Variants in ATP7A observed in about 807,000 individuals in gnomAD.
ATP7A encodes ATPase copper transporting alpha.
ATP7A carries 7 observed loss-of-function variants against 83.5 expected under a neutral mutation model. The ratio of observed to expected loss-of-function variants is 0.08; its 90% CI spans 0.05 to 0.16. ATP7A has a LOEUF of 0.16. Among genes scored for constraint, ATP7A ranks in the 10% least tolerant of loss-of-function variants. ATP7A has a pLI of 1.00. For synonymous variants in ATP7A, 354 were observed against 395.2 expected (o/e 0.90, Z 1.24); for missense variants, 940 against 1,120.8 (o/e 0.84, Z 2.30).
At chrX:77,911,988 C>A (rs1477459399) in intron 1 of ATP7A, among the ~76,000 whole-genome samples, 1 of 112,014 alleles carries the variant, frequency 8.9e-6, no homozygotes, top group African/African-American at 3.2e-5. Context: ...CAATTGAGTC[C>A]GAATTGAGTC....
chrX:77,984,420 C>T (rs1342847780), intron 2 of ATP7A, among the ~76,000 whole-genome samples: 3 of 110,125 alleles, frequency 2.7e-5, no homozygotes, highest in Non-Finnish European at 5.7e-5. Context: ...CTCCACCTCC[C>T]GAGGTTCTTC....
rs1425538643 is a variant in ATP7A at position 77,928,299 on chromosome X, A to G, written c.-22+17464A>G. Among the ~76,000 whole-genome samples, 7 of 111,702 alleles carry G rather than the reference A, an allele frequency of 6.3e-5. No individual in the cohort carries two copies. In the Admixed American group the frequency reaches 6.7e-4, roughly 11 times the overall value. On this transcript the variant is annotated intron_variant, in intron 1 of 22. Coordinates refer to ENST00000341514, the MANE Select transcript of ATP7A (RefSeq NM_000052.7). Reference sequence around the variant, plus strand: ...TTCGTTAACTCAAAACTATTTTGATATTAATGATTTTGAAAAAAAAGACTT... The same window carrying G: ...TTCGTTAACTCAAAACTATTTTGATGTTAATGATTTTGAAAAAAAAGACTT...
At chrX:77,974,390 C>T (rs781894281) in intron 2 of ATP7A, among the ~76,000 whole-genome samples, 2 of 111,125 alleles carry the variant, frequency 1.8e-5, no homozygotes, top group African/African-American at 3.3e-5. Flanking sequence ...GTGATCCGTC[C>T]ACCTCGGCCT....
At chrX:78,008,870 G>T (rs2077796056) in intron 6 of ATP7A, among the ~76,000 whole-genome samples, 1 of 109,427 alleles carries the variant, frequency 9.1e-6, no homozygotes, top group African/African-American at 3.3e-5. Flanking sequence ...TAAAAAATTA[G>T]CCAGGCATGG....
At chrX:77,912,301 A>T (rs1224503011) in intron 1 of ATP7A, among the ~76,000 whole-genome samples, 1 of 111,544 alleles carries the variant, frequency 9.0e-6, no homozygotes, top group Non-Finnish European at 1.9e-5. Context: ...TTTGAAAAAT[A>T]GATAGGATTT....
At chrX:78,014,210 G>A (rs1050323625) in intron 10 of ATP7A, among the ~76,000 whole-genome samples, 30 of 109,304 alleles carry the variant, frequency 2.7e-4, no homozygotes, top group African/African-American at 9.3e-4. Flanking sequence ...GTTTGAGACC[G>A]GCCTGGCCAA....
intron 1 of ATP7A, chrX:77,962,432 G>A (rs976915762): frequency 9.1e-6 from 2 of 220,438 alleles, no homozygotes; most frequent in Non-Finnish European, 1.7e-5. Context: ...ACTGTGGAGT[G>A]TACTTTCATT....
At chrX:78,036,131 C>A (rs2078011855) in intron 17 of ATP7A, among the ~76,000 whole-genome samples, 1 of 111,599 alleles carries the variant, frequency 9.0e-6, no homozygotes, top group Non-Finnish European at 1.9e-5. Context: ...GTTCTTATTT[C>A]ATGGAGCTTA....
chrX:77,947,089 A>C lies in ATP7A; in HGVS notation c.-21-24532A>C, dbSNP rs916683937. Among the ~76,000 whole-genome samples, 3 of 112,166 alleles carry C rather than the reference A, an allele frequency of 2.7e-5. No homozygotes were observed. In the East Asian group the frequency reaches 8.3e-4, roughly 31 times the overall value. ...TAATAGAACATTAGCTTTAAAAAGG[A>C]ATTAAATTCTGACACATGATACTAC... On this transcript the variant is annotated intron_variant, in intron 1 of 22. Transcript: ENST00000341514.
intron 6 of ATP7A, among the ~76,000 whole-genome samples, chrX:78,005,608 G>A (rs571358497): frequency 6.7e-5 from 7 of 103,760 alleles, no homozygotes; most frequent in East Asian, 3.0e-4. Context: ...ACTTGAACCC[G>A]GGAGGTGGAG....
chrX:77,991,918 C>T (rs900364044), intron 4 of ATP7A, among the ~76,000 whole-genome samples: 12 of 109,428 alleles, frequency 1.1e-4, no homozygotes, highest in Non-Finnish European at 1.3e-4. Flanking sequence ...AGCTACTCAG[C>T]GGGCTAAGGT....
intron 1 of ATP7A, among the ~76,000 whole-genome samples, chrX:77,956,924 G>A (rs1207455709): frequency 9.3e-6 from 1 of 108,095 alleles, no homozygotes; most frequent in African/African-American, 3.4e-5. Context: ...CAGCCCCCAG[G>A]TAGCTGGGAA....
rs192441781 is a variant in ATP7A, at chrX:77,952,900, G to A, written c.-21-18721G>A. Among the ~76,000 whole-genome samples the A allele has an allele frequency of 4.4e-3, 476 of 107,880 alleles. 4 individuals are homozygous for A. Among genetic ancestry groups the A allele is most frequent in the African/African-American group, 0.015 (451 of 29,488 alleles). 93.7% of individuals were successfully genotyped at this position (107,880 alleles called of 115,157 possible). A position where few individuals can be genotyped will look rare whatever the true frequency, so the allele number is the denominator to read the frequency against. On this transcript the variant is annotated intron_variant, in intron 1 of 22. Transcript: ENST00000341514. ...GGGCTCAAGCCGTCCTCCCACCTAAGCCTCCTGAGTAGCTGGGACTACAGG... is the reference window on the plus strand; with the variant it reads ...GGGCTCAAGCCGTCCTCCCACCTAAACCTCCTGAGTAGCTGGGACTACAGG...
At chrX:77,916,228 G>A (rs1295378832) in intron 1 of ATP7A, among the ~76,000 whole-genome samples, 1 of 108,639 alleles carries the variant, frequency 9.2e-6, no homozygotes, top group Non-Finnish European at 1.9e-5. Flanking sequence ...GGTGGCATGC[G>A]CCTATAGTCC....
rs145234042 is a variant in ATP7A at position 77,921,987 on chromosome X, G to A, written c.-22+11152G>A. Among the ~76,000 whole-genome samples, 5 of 110,615 alleles carry A rather than the reference G, an allele frequency of 4.5e-5. No individual in the cohort carries two copies. In the East Asian group the frequency reaches 1.4e-3, roughly 32 times the overall value. ...TTTTTAAATTTTTCGTAGAGATGGG[G>A]TCTCGCTATGTTGCTCAGGCTGATC... On this transcript the variant is annotated intron_variant, in intron 1 of 22. Coordinates refer to ENST00000341514, the MANE Select transcript of ATP7A (RefSeq NM_000052.7).
intron 1 of ATP7A, among the ~76,000 whole-genome samples, chrX:77,919,676 C>T (rs190935976): frequency 2.7e-5 from 3 of 111,954 alleles, no homozygotes; most frequent in East Asian, 2.8e-4. Flanking sequence ...TTAGTGGAGA[C>T]GGGGTTTCAC....
In ATP7A at chrX:77,914,353, C is replaced by T. The variant is rs1460232322; in HGVS notation, c.-22+3518C>T. ...GCAGTCTCGATCTCCCAGGCTCAAGCGATCCTCCTACCTCAGCCTCCTGAG... is the reference window on the plus strand; with the variant it reads ...GCAGTCTCGATCTCCCAGGCTCAAGTGATCCTCCTACCTCAGCCTCCTGAG... On this transcript the variant is annotated intron_variant, in intron 1 of 22. Coordinates refer to ENST00000341514, the MANE Select transcript of ATP7A (RefSeq NM_000052.7). Among the ~76,000 whole-genome samples the T allele has an allele frequency of 4.0e-4, 45 of 111,115 alleles. 2 individuals are homozygous for T. The highest frequency in any genetic ancestry group is 4.0e-3 in the Admixed American group (42 of 10,460).
intron 1 of ATP7A, 154 bp from the exon 2 acceptor site, chrX:77,971,467 C>G: frequency 1.8e-6 from 1 of 564,536 alleles, no homozygotes; most frequent in Non-Finnish European, 2.9e-6. Flanking sequence ...AGGAAGAATG[C>G]TTACCATATT....
In ATP7A at chrX:77,955,967, A is replaced by T. The variant is rs183509019; in HGVS notation, c.-21-15654A>T. 1.8e-3 allele frequency among the ~76,000 whole-genome samples: 195 copies of T among 110,422 alleles called. 2 individuals carry two copies. The highest frequency in any genetic ancestry group is 5.8e-3 in the African/African-American group (176 of 30,361). ...GTCCATCCATGTTGTCACAGATGGC[A>T]GAATTTTATTCTTTTTTATGGCTGA... On this transcript the variant is annotated intron_variant, in intron 1 of 22. Transcript: ENST00000341514.
Sources: gnomAD v4.1 joint callset for allele counts (sites outside exome capture counted in the v4.1 genomes callset) on GRCh38, gnomAD v4.1.1 for gene constraint, MANE v1.5 for transcripts, NCBI Gene and HGNC (gene_info 2026-07-23, HGNC 2026-07-21) for gene names.